PTCH1: variants seen among roughly 807,000 people sequenced by gnomAD.
PTCH1 encodes the protein protein patched homolog 1.
A neutral mutation model predicts 144.6 loss-of-function variants in PTCH1; 14 were observed. The observed-to-expected ratio is 0.10, with a 90% confidence interval of 0.06 to 0.15. PTCH1 has a LOEUF of 0.15. PTCH1 is among the 10% of genes least tolerant of loss of function. The pLI is 1.00. For missense variants in PTCH1, 1,623 were observed against 1,948.3 expected (o/e 0.83, Z 3.14); for synonymous variants, 833 against 793.6 (o/e 1.05, Z -0.83).
At chr9:95,480,697 C>T in intron 5 of PTCH1, 109 bp from the exon 6 acceptor site, 3 of 1,136,404 alleles carry the variant, frequency 2.6e-6, no homozygotes, top group African/African-American at 3.1e-5. Flanking sequence ...CCTGGCAATG[C>T]TGCAGTTCTG....
chr9:95,510,875 C>T (rs1342696072), upstream of PTCH1, among the ~76,000 whole-genome samples: 1 of 151,086 alleles, frequency 6.6e-6, no homozygotes, highest in African/African-American at 2.4e-5. Flanking sequence ...GGCTCCCGGA[C>T]TCCCCGCGCC....
At chr9:95,510,035 G>A (rs545835760), upstream of PTCH1, among the ~76,000 whole-genome samples, 110 of 151,442 alleles carry the variant, frequency 7.3e-4, no homozygotes, top group Non-Finnish European at 1.3e-3. Context: ...TGGTTTGAAG[G>A]AGTCAGTGTT....
rs919082406 is a variant in PTCH1, at chr9:95,506,996, C to G, written c.202-397G>C. ...AGCGATGGAGCCCAAGGTTCAGGAG[C>G]CAGCAAACCAGTCCTGCTCTGTCCA... On this transcript the variant is annotated intron_variant, in intron 1 of 23. Transcript: ENST00000331920. The G allele has an allele frequency of 5.0e-6, 5 of 997,954 alleles. No homozygotes were observed. In the Admixed American group the frequency reaches 1.8e-4, roughly 36 times the overall value. The allele number at this position is 997,954 out of a possible 1,614,324, so 61.8% of individuals were successfully genotyped here. A position where few individuals can be genotyped will look rare whatever the true frequency, so the allele number is the denominator to read the frequency against.
intron 20 of PTCH1, chr9:95,450,160 T>C (rs1012241695): frequency 1.7e-6 from 1 of 586,128 alleles, no homozygotes. Flanking sequence ...CAACCCAAAG[T>C]GTTAGTTCAT....
intron 18 of PTCH1, 81 bp downstream of exon 18, chr9:95,457,932 C>T (rs1839085057): frequency 1.3e-6 from 2 of 1,566,952 alleles, no homozygotes; most frequent in Admixed American, 3.3e-5. Flanking sequence ...GAGGCCCAGA[C>T]ATAAACAAAA....
intron 2 of PTCH1, chr9:95,494,377 G>A: frequency 1.0e-6 from 1 of 985,564 alleles, no homozygotes. Flanking sequence ...AGACGACGCT[G>A]CATCTGCCAG....
In PTCH1 at chr9:95,477,561, C is replaced by A; in HGVS notation, c.1489G>T (p.Ala497Ser). The A allele has an allele frequency of 6.2e-7, 1 of 1,614,144 alleles. No individual in the cohort carries two copies. The highest frequency in any genetic ancestry group is 8.5e-7 in the Non-Finnish European group (1 of 1,180,032). Reference sequence around the variant, plus strand: ...TCCTTTAGTACCTGAGTTGTTGCAGCGTTAAAGGAAATTCCGATCAATGAG... The same window carrying A: ...TCCTTTAGTACCTGAGTTGTTGCAGAGTTAAAGGAAATTCCGATCAATGAG... The part of the protein sequence containing the change: ...LCSLIGISFN[A>S]ATTQVLPFLA... The change falls in exon 10 of 24, where the codon GCT (alanine) becomes TCT (serine). Residue 497 changes from alanine to serine, a missense_variant. This residue lies in a region of PTCH1 where 135 missense variants were observed against 228.7 expected (regional missense o/e 0.59). Coordinates refer to ENST00000331920, the MANE Select transcript of PTCH1 (RefSeq NM_000264.5).
At chr9:95,475,506 T>C (rs1025843375) in intron 12 of PTCH1, among the ~76,000 whole-genome samples, 2 of 152,138 alleles carry the variant, frequency 1.3e-5, no homozygotes, top group Admixed American at 1.3e-4. Context: ...CTGCAGGAAA[T>C]TCTCCACAGA....
chr9:95,479,299 G>C, intron 7 of PTCH1, 152 bp from the exon 8 acceptor site: 1 of 1,005,248 alleles, frequency 9.9e-7, no homozygotes, highest in Admixed American at 1.9e-5. Flanking sequence ...GACCAGGATG[G>C]TTATTTTATT....
intron 5 of PTCH1, 113 bp downstream of exon 5, chr9:95,481,836 A>T: frequency 9.9e-7 from 1 of 1,005,972 alleles, no homozygotes; most frequent in Non-Finnish European, 1.5e-6. Context: ...ATGGAATTTC[A>T]ATGTTTTTAT....
rs1057524645 is a variant in PTCH1 at position 95,447,324 on chromosome 9, A to G, written c.3932T>C (p.Leu1311Ser). 3 of 1,612,600 alleles carry G rather than the reference A, an allele frequency of 1.9e-6. No homozygotes were observed. The highest frequency in any genetic ancestry group is 1.7e-6 in the Non-Finnish European group (2 of 1,179,638). ...QPRRDPPREG[L>S]WPPPYRPRRD... ...GCGCGGTCTGTAGGGGGGTGGCCAC[A>G]AGCCTTCTCTGGGGGGGTCCCTGCG... Residue 1311 changes from leucine to serine, a missense_variant, in exon 23 of 24, where the codon TTG (leucine) becomes TCG (serine). Leu to Ser is a moderately radical substitution (Grantham distance 145). Coordinates refer to ENST00000331920, the MANE Select transcript of PTCH1 (RefSeq NM_000264.5).
Position 95,485,567 on chromosome 9 carries a change from A to C in PTCH1, c.584+118T>G, listed in dbSNP as rs564741984. The C allele has an allele frequency of 4.0e-4, 479 of 1,209,040 alleles. 2 individuals carry two copies. The highest frequency in any genetic ancestry group is 5.6e-4 in the Non-Finnish European group (465 of 837,594). The allele number at this position is 1,209,040 out of a possible 1,614,324, so 74.9% of individuals were successfully genotyped here. On this transcript the variant is annotated intron_variant, in intron 3 of 23. Transcript: ENST00000331920. ...TTTCATTGCAAAGCTATTTGAACTA[A>C]TACTCCAGGTGCATTTCCAGGGCAA... is the stretch of plus-strand genomic sequence containing the variant.
chr9:95,479,831 T>C, intron 7 of PTCH1, 138 bp downstream of exon 7: 1 of 1,417,270 alleles, frequency 7.1e-7, no homozygotes, highest in Non-Finnish European at 9.9e-7. Flanking sequence ...TTTCTTAATA[T>C]TCTATGACGC....
intron 1 of PTCH1, 158 bp downstream of exon 1, chr9:95,508,003 C>G: frequency 6.6e-7 from 1 of 1,518,054 alleles, no homozygotes; most frequent in East Asian, 2.5e-5. Flanking sequence ...ATTTTTCAAT[C>G]CCCATTTGTC....
intron 20 of PTCH1, 193 bp downstream of exon 20, chr9:95,453,285 C>A: frequency 1.4e-6 from 1 of 717,356 alleles, no homozygotes; most frequent in Admixed American, 2.3e-5. Flanking sequence ...GCACCCACCA[C>A]CACGCCCGGC....
At chr9:95,454,984 T>C (rs1002236060) in intron 19 of PTCH1, among the ~76,000 whole-genome samples, 3 of 152,230 alleles carry the variant, frequency 2.0e-5, no homozygotes, top group Non-Finnish European at 4.4e-5. Context: ...AAATAACTTA[T>C]GGATTCTTAA....
At chr9:95,462,121 C>G in intron 15 of PTCH1, 123 bp from the exon 16 acceptor site, 1 of 1,094,732 alleles carries the variant, frequency 9.1e-7, no homozygotes, top group East Asian at 2.4e-5. Flanking sequence ...AGAAACACAC[C>G]CTCTGTGTCC....
chr9:95,506,688 C>A, intron 1 of PTCH1, 89 bp from the exon 2 acceptor site: 1 of 1,095,798 alleles, frequency 9.1e-7, no homozygotes. Context: ...CCGGTGAGCC[C>A]CCAACAGCCG....
intron 7 of PTCH1, among the ~76,000 whole-genome samples, chr9:95,479,610 G>C (rs1372625059): frequency 6.6e-6 from 1 of 152,182 alleles, no homozygotes; most frequent in Non-Finnish European, 1.5e-5. Context: ...TCCATCTTTT[G>C]CTAACAGTCT....
Sources: allele counts gnomAD v4.1 joint callset (sites outside exome capture counted in the v4.1 genomes callset), GRCh38; gene constraint gnomAD v4.1.1; regional missense constraint gnomAD v4.1.1; transcripts MANE v1.5; gene names NCBI Gene and HGNC (gene_info 2026-07-23, HGNC 2026-07-21).